TRANK1: variants seen among roughly 807,000 people sequenced by gnomAD.
TRANK1 encodes the protein tetratricopeptide repeat and ankyrin repeat containing 1.
A neutral mutation model predicts 266.0 loss-of-function variants in TRANK1; 198 were observed. The observed-to-expected ratio is 0.74, with a 90% CI of 0.66 to 0.84. TRANK1 has a LOEUF of 0.84. Among genes scored for constraint, TRANK1 ranks in the 40% least tolerant of loss-of-function variants. TRANK1 has a pLI of 0.00. For synonymous variants in TRANK1, 1,396 were observed against 1,384.1 expected (o/e 1.01, Z -0.19); for missense variants, 3,326 against 3,634.6 (o/e 0.92, Z 2.18).
At chr3:36,923,451 T>C (rs1414542090) in intron 1 of TRANK1, among the ~76,000 whole-genome samples, 5 of 152,050 alleles carry the variant, frequency 3.3e-5, no homozygotes, top group African/African-American at 1.2e-4. Context: ...AGACGGGGTT[T>C]CACCATGTTG....
intron 12 of TRANK1, 137 bp downstream of exon 12, chr3:36,858,581 A>C: frequency 1.0e-6 from 1 of 990,956 alleles, no homozygotes; most frequent in Non-Finnish European, 1.4e-6. Flanking sequence ...GCCAGGTGAC[A>C]TGGGCAGGCC....
chr3:36,889,757 T>A, intron 8 of TRANK1, 72 bp downstream of exon 8: 1 of 1,462,718 alleles, frequency 6.8e-7, no homozygotes, highest in Non-Finnish European at 9.0e-7. Flanking sequence ...AACAAGGCAG[T>A]CGGTGGTGTG....
At chr3:36,881,704 A>G (rs951125612) in intron 8 of TRANK1, among the ~76,000 whole-genome samples, 6 of 152,192 alleles carry the variant, frequency 3.9e-5, no homozygotes, top group African/African-American at 1.4e-4. Context: ...CAATTCCAGA[A>G]CATTTTCATC....
intron 1 of TRANK1, among the ~76,000 whole-genome samples, chr3:36,923,201 T>C (rs2080240486): frequency 6.6e-6 from 1 of 152,110 alleles, no homozygotes; most frequent in African/African-American, 2.4e-5. Flanking sequence ...TTGTAACATA[T>C]TTTCCTATTT....
chr3:36,919,635 G>T (rs2080187382), intron 1 of TRANK1, among the ~76,000 whole-genome samples: 1 of 152,212 alleles, frequency 6.6e-6, no homozygotes, highest in African/African-American at 2.4e-5. Flanking sequence ...CTTCCCAGGA[G>T]TGGATCTGCT....
chr3:36,886,734 AACC>A (rs2079611726), intron 8 of TRANK1, among the ~76,000 whole-genome samples: 5 of 151,978 alleles, frequency 3.3e-5, no homozygotes, highest in African/African-American at 9.7e-5. Context: ...AACGTGGTGA[AACC>A]CCATCTTTAC....
intron 9 of TRANK1, among the ~76,000 whole-genome samples, chr3:36,869,431 T>G (rs559616113): frequency 1.2e-4 from 19 of 152,356 alleles, no homozygotes. Flanking sequence ...TAAATTGGAA[T>G]GTTCATTCAT....
intron 1 of TRANK1, among the ~76,000 whole-genome samples, chr3:36,921,573 G>A (rs1346469059): frequency 6.6e-6 from 1 of 152,060 alleles, no homozygotes; most frequent in Non-Finnish European, 1.5e-5. Context: ...TATAACTCCA[G>A]GCATCACATT....
Position 36,857,135 on chromosome 3 carries a change from T to C in TRANK1, c.2587A>G (p.Ile863Val). ...KVIKKKIILA[I>V]QQLGNGEWTQ... ...CACTCGCCATTTCCCAGCTGCTGAA[T>C]GGCAAGGATGATTTTCTTCTTGATG... The change falls in exon 13 of 24, where the codon ATT (isoleucine) becomes GTT (valine). Residue 863 changes from isoleucine (I) to valine (V), a missense_variant. Ile to Val is a conservative substitution (Grantham distance 29). Coordinates refer to ENST00000645898, the MANE Select transcript of TRANK1 (RefSeq NM_001329998.2). The surrounding 1 kb of genome is among the most constrained non-coding windows in gnomAD (Gnocchi z 4.3). 2.5e-6 allele frequency: 4 copies of C among 1,614,020 alleles called. No individual in the cohort carries two copies. In the Admixed American group the frequency reaches 6.7e-5, roughly 27 times the overall value.
At chr3:36,871,664 G>T (rs998333096) in intron 9 of TRANK1, among the ~76,000 whole-genome samples, 1 of 151,924 alleles carries the variant, frequency 6.6e-6, no homozygotes, top group Non-Finnish European at 1.5e-5. Context: ...AGCTTTAAAA[G>T]AACACCCATG....
At chr3:36,924,859 C>A (rs552372468) in intron 1 of TRANK1, among the ~76,000 whole-genome samples, 4 of 152,176 alleles carry the variant, frequency 2.6e-5, no homozygotes, top group South Asian at 2.1e-4. Flanking sequence ...CCAAAGGAGC[C>A]CCCCCGGACA....
At chr3:36,888,504 T>G (rs568692312) in intron 8 of TRANK1, among the ~76,000 whole-genome samples, 1 of 152,220 alleles carries the variant, frequency 6.6e-6, no homozygotes, top group East Asian at 1.9e-4. Context: ...TCAATAAAGC[T>G]CAAAAATCCA....
intron 1 of TRANK1, among the ~76,000 whole-genome samples, chr3:36,923,422 ATTG>A (rs905714933): frequency 1.5e-4 from 23 of 151,690 alleles, no homozygotes; most frequent in Non-Finnish European, 2.8e-4. Context: ...CGCCCAGCTA[ATTG>A]TTGTATTTTT....
chr3:36,830,808 C>T (rs1257318378), intron 22 of TRANK1, 65 bp downstream of exon 22: 3 of 1,490,056 alleles, frequency 2.0e-6, no homozygotes, highest in Admixed American at 2.4e-5. Flanking sequence ...GGAATTTAAC[C>T]CTGAGAAATG....
chr3:36,833,816 T>C lies in TRANK1; in HGVS notation c.5767A>G (p.Lys1923Glu). The C allele has an allele frequency of 1.2e-6, 2 of 1,614,030 alleles. No individual in the cohort carries two copies. The highest frequency in any genetic ancestry group is 2.2e-5 in the East Asian group (1 of 44,888). The change falls in exon 22 of 24, where the codon AAG becomes GAG. Residue 1923 changes from lysine to glutamate, a missense_variant. Lys to Glu is a moderately conservative substitution (Grantham distance 56, BLOSUM62 1). Transcript: ENST00000645898. ...AGGACAGCCATCATTTCCTTCATCTTATTTGCACTCAGATACTTTGCTGCA... is the reference window on the plus strand; with the variant it reads ...AGGACAGCCATCATTTCCTTCATCTCATTTGCACTCAGATACTTTGCTGCA... ...EAAAKYLSAN[K>E]MKEMMAVLSK...
Position 36,857,467 on chromosome 3 carries a change from T to C in TRANK1, c.2255A>G (p.Asp752Gly), listed in dbSNP as rs1035279141. 3.5e-5 allele frequency: 56 copies of C among 1,613,828 alleles called. No homozygotes were observed. The highest frequency in any genetic ancestry group is 4.2e-5 in the Non-Finnish European group (50 of 1,179,886). Residue 752 changes from aspartate to glycine, a missense_variant, in exon 13 of 24, where the codon GAC (aspartate) becomes GGC (glycine). Transcript: ENST00000645898. The surrounding 1 kb of genome is among the most constrained non-coding windows in gnomAD (Gnocchi z 4.3). ...QVEVDPSFPE[D>G]CLQSSEPLEA... ...CAGAGGCTCAGAGCTCTGAAGACAG[T>C]CCTCTGGGAAAGACGGATCCACTTC...
At chr3:36,850,939 G>C (rs1386641433) in intron 15 of TRANK1, 1 of 985,546 alleles carries the variant, frequency 1.0e-6, no homozygotes, top group East Asian at 1.1e-4. Context: ...AGCCAGCTAA[G>C]TCCCCAGAGA....
intron 1 of TRANK1, among the ~76,000 whole-genome samples, chr3:36,916,421 G>A (rs2080125160): frequency 6.6e-6 from 1 of 152,138 alleles, no homozygotes; most frequent in Non-Finnish European, 1.5e-5. Flanking sequence ...AAATTAGCTG[G>A]GCATGGTGGC....
chr3:36,936,712 A>T (rs2080430348), intron 1 of TRANK1, among the ~76,000 whole-genome samples: 7 of 152,228 alleles, frequency 4.6e-5, no homozygotes, highest in Admixed American at 4.6e-4. Context: ...CCCACATTTT[A>T]GTCATGGACA....
Sources: gnomAD v4.1 joint callset for allele counts (sites outside exome capture counted in the v4.1 genomes callset) on GRCh38, gnomAD v4.1.1 for gene constraint, Gnocchi (gnomAD v3.1) non-coding constraint, MANE v1.5 for transcripts, NCBI Gene and HGNC (gene_info 2026-07-23, HGNC 2026-07-21) for gene names.